The following CYP2A7 variants were observed in gnomAD, a reference collection of about 807,000 sequenced individuals.
CYP2A7 encodes cytochrome P450 2A7.
CYP2A7 carries 36 observed loss-of-function variants against 42.0 expected under a neutral mutation model. That is an observed-to-expected ratio of 0.86 (90% CI 0.66 to 1.13). The LOEUF is 1.13. CYP2A7 is among the 50% of genes most tolerant of loss of function. The pLI is 0.00. For missense variants in CYP2A7, 661 were observed against 634.1 expected (o/e 1.04, Z -0.46); for synonymous variants, 260 against 249.5 (o/e 1.04, Z -0.40).
Position 40,882,142 on chromosome 19 carries a change from G to A in CYP2A7, c.69C>T (p.Val23=), listed in dbSNP as rs138741927. ...TCCCCCTGCTCTTCCTCTGCTGCCA[G>A]ACAGACATCAAGACCATCACAGTCA... ...ACLTVMVLMS[V]WQQRKSRGKL... Residue 23 remains valine (V), a synonymous_variant, in exon 1 of 9, where the codon GTC becomes GTT. Coordinates refer to ENST00000301146, the MANE Select transcript of CYP2A7 (RefSeq NM_000764.3). 2.9e-5 allele frequency: 47 copies of A among 1,613,848 alleles called. No individual in the cohort carries two copies. Among genetic ancestry groups the A allele is most frequent in the Admixed American group, 1.7e-4 (10 of 60,010 alleles).
intron 8 of CYP2A7, chr19:40,876,197 G>A: frequency 1.7e-6 from 1 of 575,818 alleles, no homozygotes; most frequent in Non-Finnish European, 3.1e-6. Flanking sequence ...CATGCCAGGT[G>A]TAGCAATGGG....
intron 8 of CYP2A7, chr19:40,876,229 C>G: frequency 1.7e-6 from 1 of 604,232 alleles, no homozygotes; most frequent in East Asian, 3.0e-5. Flanking sequence ...TCCTTCTTGC[C>G]AGATACACTT....
At chr19:40,876,391 T>G in intron 8 of CYP2A7, 136 bp downstream of exon 8, 1 of 1,428,248 alleles carries the variant, frequency 7.0e-7, no homozygotes, top group Non-Finnish European at 9.8e-7. Flanking sequence ...AAGTATCAGC[T>G]GCTGGCTCAA....
At chr19:40,880,425 C>G (rs1368705448) in intron 3 of CYP2A7, 54 bp downstream of exon 3, 1 of 1,590,430 alleles carries the variant, frequency 6.3e-7, no homozygotes, top group Non-Finnish European at 8.6e-7. Flanking sequence ...GCGCGGGTTC[C>G]TCGTCCTGGG....
Position 40,881,348 on chromosome 19 carries a change from A to T in CYP2A7, c.343+241T>A, listed in dbSNP as rs1456145142. On this transcript the variant is annotated intron_variant, in intron 2 of 8. Transcript: ENST00000301146. ...GATGGAGAGAGAGGGGAAAGAGGAG[A>T]CTCCAGTGAGAGAGAATAAGGAGGT... Among the ~76,000 whole-genome samples the T allele has an allele frequency of 2.0e-5, 3 of 150,084 alleles. No individual in the cohort carries two copies. The South Asian group carries it at 6.4e-4, about 32-fold the overall frequency.
In CYP2A7 at chr19:40,876,527, C is replaced by G. The variant is rs202236701; in HGVS notation, c.1303G>C (p.Gly435Arg). The G allele has an allele frequency of 1.6e-4, 255 of 1,612,852 alleles. 3 individuals carry two copies. In the East Asian group the frequency reaches 5.4e-3, roughly 34 times the overall value. Residue 435 changes from glycine to arginine, a missense_variant and splice_region_variant, in exon 8 of 9, where the codon GGA becomes CGA. Around this residue, in one of 3 missense-constraint regions of CYP2A7, gnomAD observed 25 missense variants for 62.4 expected, o/e 0.40. Coordinates refer to ENST00000301146, the MANE Select transcript of CYP2A7 (RefSeq NM_000764.3). ...CTGGCAGCAAACAGTGGTCTCTTAC[C>G]GATGGAAAAGGGCACAAAAGCATCA... The part of the protein sequence containing the change: ...KSDAFVPFSI[G>R]KRNCFGEGLA...
intron 4 of CYP2A7, among the ~76,000 whole-genome samples, chr19:40,879,151 C>T (rs1324761402): frequency 6.6e-6 from 1 of 151,816 alleles, no homozygotes; most frequent in Non-Finnish European, 1.5e-5. Context: ...GTGAGAAGAA[C>T]TGAGGCATAT....
Position 40,881,635 on chromosome 19 carries a change from G to T in CYP2A7, c.297C>A (p.Ser99Arg). ...EALVDQAEEF[S>R]GRGEQATFDW... is the part of the protein sequence containing the mutation. ...CGAAGGTGGCTTGCTCGCCTCGCCC[G>T]CTGAACTCCTCAGCCTGGTCCACCA... The change falls in exon 2 of 9, where the codon AGC becomes AGA. Residue 99 changes from serine to arginine, a missense_variant. Transcript: ENST00000301146. 1 of 1,612,872 alleles carries T rather than the reference G, an allele frequency of 6.2e-7. No individual in the cohort carries two copies. The highest frequency in any genetic ancestry group is 1.1e-5 in the South Asian group (1 of 90,986).
At chr19:40,881,102 C>T (rs1200872373) in intron 2 of CYP2A7, among the ~76,000 whole-genome samples, 3 of 150,998 alleles carry the variant, frequency 2.0e-5, no homozygotes, top group East Asian at 1.9e-4. Flanking sequence ...AATACTGAGA[C>T]AGAAACAGAG....
rs1311936702 is a variant in CYP2A7 at position 40,880,195 on chromosome 19, G to T, written c.543C>A (p.Val181=). The change falls in exon 4 of 9, where the codon GTC becomes GTA. Residue 181 remains valine, a synonymous_variant. Coordinates refer to ENST00000301146, the MANE Select transcript of CYP2A7 (RefSeq NM_000764.3). ...GGTCCCCAAAGACAATGGAGCTGAT[G>T]ACATTGGAGACTGTGCGGCTCAGGA... is the stretch of plus-strand genomic sequence containing the variant. ...TFFLSRTVSN[V]ISSIVFGDRF... is the part of the protein sequence containing the mutation. 4.3e-6 allele frequency: 7 copies of T among 1,612,990 alleles called. No homozygotes were observed. The Admixed American group carries it at 1.0e-4, about 23-fold the overall frequency.
chr19:40,881,027 G>A (rs1002234360), intron 2 of CYP2A7, among the ~76,000 whole-genome samples: 5 of 150,764 alleles, frequency 3.3e-5, no homozygotes, highest in Admixed American at 6.6e-5. Context: ...TGAGATATGG[G>A]GAGATCTGGG....
chr19:40,877,373 C>A lies in CYP2A7; in HGVS notation c.978G>T (p.Lys326Asn). 6.2e-7 allele frequency: 1 copy of A among 1,611,354 alleles called. No individual in the cohort carries two copies. ...LLMKHPEVEA[K>N]VHEEIDRVIG... ...TCACTCTGTCAATCTCCTCATGGAC[C>A]TTGGCTGGGGGAGGAGGGGGAATGT... Residue 326 changes from lysine (K) to asparagine (N), a missense_variant, in exon 7 of 9, where the codon AAG becomes AAT. Physicochemically the swap from Lys to Asn is moderately conservative, Grantham distance 94. This residue lies in a region of CYP2A7 where 614 missense variants were observed against 552.4 expected (regional missense o/e 1.11). Coordinates refer to ENST00000301146, the MANE Select transcript of CYP2A7 (RefSeq NM_000764.3).
intron 1 of CYP2A7, 77 bp downstream of exon 1, chr19:40,881,954 G>T (rs1487997684): frequency 3.5e-5 from 54 of 1,561,260 alleles, no homozygotes; most frequent in Middle Eastern, 1.7e-4. Context: ...GTCCACACTG[G>T]TCAATCCCCT....
intron 2 of CYP2A7, among the ~76,000 whole-genome samples, chr19:40,880,965 G>C: frequency 6.6e-6 from 1 of 151,080 alleles, no homozygotes; most frequent in East Asian, 1.9e-4. Context: ...GGAAGGGTAG[G>C]AAGTGGGGAG....
rs1280170828 is a variant in CYP2A7, at chr19:40,878,931, A to G, written c.660T>C (p.Tyr220=). The change falls in exon 5 of 9, where the codon TAT becomes TAC. Residue 220 remains tyrosine (Y), a synonymous_variant. Transcript: ENST00000301146. ...GTTTCATCACCGAAGAGAACATCTC[A>G]TAGAGCTGGGGTTGCAGAGAGAGGA... The part of the protein sequence containing the change: ...QFTSTSTGQL[Y]EMFSSVMKHL... 3 of 1,602,896 alleles carry G rather than the reference A, an allele frequency of 1.9e-6. No homozygotes were observed.
chr19:40,876,407 G>A, intron 8 of CYP2A7, 120 bp downstream of exon 8: 2 of 1,541,412 alleles, frequency 1.3e-6, no homozygotes, highest in Non-Finnish European at 1.8e-6. Context: ...CTCAAGGGTA[G>A]ATTCTAACAG....
intron 4 of CYP2A7, among the ~76,000 whole-genome samples, chr19:40,879,456 C>G (rs1223857089): frequency 1.3e-5 from 2 of 151,730 alleles, no homozygotes; most frequent in African/African-American, 2.4e-5. Flanking sequence ...AGGTGTTTAC[C>G]TATCCAAGTG....
chr19:40,880,799 GAGAGA>G (rs1568527921), intron 2 of CYP2A7, among the ~76,000 whole-genome samples, 171 bp from the exon 3 acceptor site: 8 of 1,560 alleles, frequency 5.1e-3, no homozygotes, highest in Non-Finnish European at 0.014. Context: ...AAACACGAGG[GAGAGA>G]GAGAGAGAGA....
At position 40,877,440 on chromosome 19, in the gene CYP2A7, G is replaced by A. The variant is rs575959639; in HGVS notation, c.974-63C>T. 2.6e-4 allele frequency: 410 copies of A among 1,585,204 alleles called. 12 individuals are homozygous for A. The South Asian group carries it at 3.8e-3, about 15-fold the overall frequency. On this transcript the variant is annotated intron_variant, in intron 6 of 8. Coordinates refer to ENST00000301146, the MANE Select transcript of CYP2A7 (RefSeq NM_000764.3). ...GTCTCAGAGCAGGAAATGATAGTCTGAATAGGTAAAACGGGGTGGATGATA... is the reference window on the plus strand; with the variant it reads ...GTCTCAGAGCAGGAAATGATAGTCTAAATAGGTAAAACGGGGTGGATGATA...
Sources: gnomAD v4.1 joint callset for allele counts (sites outside exome capture counted in the v4.1 genomes callset) on GRCh38, gnomAD v4.1.1 for gene constraint, gnomAD v4.1.1 regional missense constraint, MANE v1.5 for transcripts, NCBI Gene and HGNC (gene_info 2026-07-23, HGNC 2026-07-21) for gene names.